Variants in CD226 observed in about 807,000 individuals in gnomAD.
CD226 encodes CD226 molecule.
A neutral mutation model predicts 34.9 loss-of-function variants in CD226; 24 were observed. The ratio of observed to expected loss-of-function variants is 0.69; its 90% CI spans 0.50 to 0.97. The LOEUF is 0.97. Among genes scored for constraint, CD226 ranks in the 50% least tolerant of loss-of-function variants. The probability of loss-of-function intolerance (pLI) is 0.00; values close to 1 mark genes in which losing one functional copy is unlikely to be tolerated. For missense variants in CD226, 397 were observed against 412.7 expected (o/e 0.96, Z 0.33); for synonymous variants, 148 against 147.4 (o/e 1.00, Z -0.03).
intron 4 of CD226, among the ~76,000 whole-genome samples, chr18:69,867,694 C>A (rs1983237964): frequency 6.6e-6 from 1 of 152,132 alleles, no homozygotes; most frequent in African/African-American, 2.4e-5. Flanking sequence ...TTTATAGTGA[C>A]TTATTACATA....
chr18:69,932,271 T>G (rs1275336390), intron 2 of CD226, among the ~76,000 whole-genome samples: 1 of 152,160 alleles, frequency 6.6e-6, no homozygotes, highest in Admixed American at 6.5e-5. Flanking sequence ...CGAAATCCCT[T>G]GCCTAAAATC....
At chr18:69,961,217 T>C (rs1568214482), upstream of CD226, among the ~76,000 whole-genome samples, 1 of 152,198 alleles carries the variant, frequency 6.6e-6, no homozygotes. Flanking sequence ...CAAGAATTTG[T>C]AGGATTTAAA....
intron 2 of CD226, among the ~76,000 whole-genome samples, chr18:69,934,562 A>C (rs763767675): frequency 1.3e-5 from 2 of 152,228 alleles, no homozygotes; most frequent in African/African-American, 2.4e-5. Flanking sequence ...AGCTATTTAC[A>C]ACACTAGTAA....
At chr18:69,942,378 C>A (rs1204359034) in intron 2 of CD226, among the ~76,000 whole-genome samples, 1 of 152,226 alleles carries the variant, frequency 6.6e-6, no homozygotes, top group Non-Finnish European at 1.5e-5. Flanking sequence ...CCTGCAAACT[C>A]TTACTCTCCT....
intron 2 of CD226, among the ~76,000 whole-genome samples, chr18:69,909,266 T>C (rs1384653348): frequency 6.6e-6 from 1 of 152,200 alleles, no homozygotes; most frequent in South Asian, 2.1e-4. Flanking sequence ...GTTGTAAATT[T>C]AGTGAATGAT....
rs142661943 is a variant in CD226, at chr18:69,895,705, G to T, written c.723C>A (p.Ala241=). 3.7e-6 allele frequency: 6 copies of T among 1,609,072 alleles called. No homozygotes were observed. The highest frequency in any genetic ancestry group is 4.5e-5 in the East Asian group (2 of 44,790). The change falls in exon 3 of 6, where the codon GCC becomes GCA. Residue 241 remains alanine (A), a synonymous_variant. Coordinates refer to ENST00000582621, the MANE Select transcript of CD226 (RefSeq NM_001303618.2). ...NETFVMRLTV[A]EGKTDNQYTL... ...AGATGTCTGGTGCTCACTCACCCTCGGCTACAGTCAATCTCATCACGAAGG... is the reference window on the plus strand; with the variant it reads ...AGATGTCTGGTGCTCACTCACCCTCTGCTACAGTCAATCTCATCACGAAGG...
chr18:69,869,790 CTTTT>C (rs1322414203), intron 4 of CD226, among the ~76,000 whole-genome samples: 1 of 142,742 alleles, frequency 7.0e-6, no homozygotes, highest in South Asian at 2.3e-4. Flanking sequence ...GAGAGATTTT[CTTTT>C]TTTTCTTTTT....
At chr18:69,940,730 T>C (rs1456032920) in intron 2 of CD226, among the ~76,000 whole-genome samples, 1 of 152,152 alleles carries the variant, frequency 6.6e-6, no homozygotes, top group Non-Finnish European at 1.5e-5. Flanking sequence ...TTTGGAAAAT[T>C]TGCAGCCTGA....
At chr18:69,902,670 T>C (rs976806885) in intron 2 of CD226, among the ~76,000 whole-genome samples, 14 of 151,776 alleles carry the variant, frequency 9.2e-5, no homozygotes, top group African/African-American at 3.4e-4. Flanking sequence ...ATCTCTTAGG[T>C]GCAGATCAAG....
intron 2 of CD226, among the ~76,000 whole-genome samples, chr18:69,946,318 C>T (rs1300959008): frequency 6.6e-6 from 1 of 151,324 alleles, no homozygotes; most frequent in Non-Finnish European, 1.5e-5. Flanking sequence ...AGATTTGGTA[C>T]TGTAGGAAGA....
intron 3 of CD226, among the ~76,000 whole-genome samples, chr18:69,882,364 A>T (rs551841397): frequency 6.6e-6 from 1 of 152,334 alleles, no homozygotes; most frequent in South Asian, 2.1e-4. Flanking sequence ...TGTACGTTTT[A>T]CCTACACAAT....
chr18:69,938,635 C>T (rs1332482896), intron 2 of CD226, among the ~76,000 whole-genome samples: 12 of 152,210 alleles, frequency 7.9e-5, no homozygotes, highest in Admixed American at 7.9e-4. Flanking sequence ...TCACTAAAAT[C>T]ATCATTTTTT....
chr18:69,940,225 ACTGAGAATCAATTAAAC>A (rs2055706440), intron 2 of CD226, among the ~76,000 whole-genome samples: 1 of 152,164 alleles, frequency 6.6e-6, no homozygotes, highest in African/African-American at 2.4e-5. Context: ...CCCATACTGA[ACTGAGAATCAATTAAAC>A]CTCTTTCCTT....
At chr18:69,901,598 T>TG (rs1373318300) in intron 2 of CD226, among the ~76,000 whole-genome samples, 1 of 149,632 alleles carries the variant, frequency 6.7e-6, no homozygotes, top group East Asian at 2.0e-4. Context: ...TATTTATTTG[T>TG]GCCCGGGCAC....
In CD226 at chr18:69,873,148, T is replaced by C. The variant is rs767531342; in HGVS notation, c.826A>G (p.Asn276Asp). 12 of 1,563,400 alleles carry C rather than the reference T, an allele frequency of 7.7e-6. No homozygotes were observed. The highest frequency in any genetic ancestry group is 8.8e-7 in the Non-Finnish European group (1 of 1,133,972). Residue 276 changes from asparagine to aspartate, a missense_variant, in exon 4 of 6, where the codon AAC becomes GAC. Asn to Asp is a conservative substitution (Grantham distance 23). Transcript: ENST00000582621. ...SITTIIVIFLNRRRRRERRDL... is the reference protein window; with the variant it reads ...SITTIIVIFLDRRRRRERRDL... The stretch of plus-strand genomic sequence containing the variant: ...AGCATAAGTTGCACTACTCACCTGT[T>C]AAGGAAAATGACAATGATGGTGGTA...
chr18:69,908,238 TCA>T (rs1361764333), intron 2 of CD226, among the ~76,000 whole-genome samples: 13 of 152,258 alleles, frequency 8.5e-5, no homozygotes, highest in African/African-American at 3.1e-4. Flanking sequence ...CTTGCTTTTC[TCA>T]GTTATGCCAA....
intron 2 of CD226, among the ~76,000 whole-genome samples, chr18:69,899,621 A>C (rs1438218436): frequency 6.6e-6 from 1 of 152,240 alleles, no homozygotes; most frequent in Non-Finnish European, 1.5e-5. Context: ...GGTAAAGGAC[A>C]CAAACAGACA....
At chr18:69,955,151 C>G (rs550099480) in intron 1 of CD226, among the ~76,000 whole-genome samples, 3 of 152,138 alleles carry the variant, frequency 2.0e-5, no homozygotes, top group Non-Finnish European at 4.4e-5. Flanking sequence ...TTCAGCCACA[C>G]TGTTCTTCTT....
rs1243202461 is a variant in CD226 at position 69,861,542 on chromosome 18, G to GTATATATATATGTATATA, written c.*2754_*2771dup. 5 of 41,526 alleles carry GTATATATATATGTATATA rather than the reference G, an allele frequency of 1.2e-4. No homozygotes were observed. The highest frequency in any genetic ancestry group is 2.0e-4 in the Non-Finnish European group (3 of 15,316). The allele number at this position is 41,526 out of a possible 1,614,324, so 2.6% of individuals were successfully genotyped here. A position where few individuals can be genotyped will look rare whatever the true frequency, so the allele number is the denominator to read the frequency against. On this transcript the variant is annotated 3_prime_UTR_variant, in exon 6 of 6. Coordinates refer to ENST00000582621, the MANE Select transcript of CD226 (RefSeq NM_001303618.2). Reference sequence around the variant, plus strand: ...TTATCCATCGATATAAATTATATGTGTATATATATATGTATATATATATAT... The same window carrying GTATATATATATGTATATA: ...TTATCCATCGATATAAATTATATGTGTATATATATATGTATATATATATATATATGTATATATATATAT...
Sources: allele counts gnomAD v4.1 joint callset (sites outside exome capture counted in the v4.1 genomes callset), GRCh38; gene constraint gnomAD v4.1.1; transcripts MANE v1.5; gene names NCBI Gene and HGNC (gene_info 2026-07-23, HGNC 2026-07-21).